Variants in LCORL observed in about 807,000 individuals in gnomAD.
The protein encoded by LCORL is ligand-dependent nuclear receptor corepressor-like protein.
A neutral mutation model predicts 141.8 loss-of-function variants in LCORL; 41 were observed. The ratio of observed to expected loss-of-function variants is 0.29; its 90% CI spans 0.23 to 0.38. LCORL has a LOEUF of 0.38. LCORL is among the 10% of genes least tolerant of loss of function. The probability of loss-of-function intolerance (pLI) is 1.00; values close to 1 mark genes in which losing one functional copy is unlikely to be tolerated. For synonymous variants in LCORL, 618 were observed against 694.1 expected, an observed-to-expected ratio of 0.89 and a Z score of 1.72; for missense variants, 1,759 against 2,035.0, an observed-to-expected ratio of 0.86 and a Z score of 2.61.
At chr4:17,932,470 A>G (rs761081618) in intron 4 of LCORL, among the ~76,000 whole-genome samples, 8 of 152,086 alleles carry the variant, frequency 5.3e-5, no homozygotes, top group African/African-American at 7.2e-5. Context: ...GCTTCAAATG[A>G]TATCTTTGAT....
intron 4 of LCORL, among the ~76,000 whole-genome samples, chr4:17,917,119 CAT>C (rs1420502929): frequency 5.9e-5 from 9 of 151,974 alleles, no homozygotes; most frequent in East Asian, 3.9e-4. Flanking sequence ...GGATTACAGA[CAT>C]GTGCTACTGC....
intron 4 of LCORL, among the ~76,000 whole-genome samples, chr4:17,910,776 T>C (rs995311830): frequency 2.6e-5 from 4 of 152,228 alleles, no homozygotes; most frequent in African/African-American, 4.8e-5. Flanking sequence ...ACTGTCAATA[T>C]ATTTGATCAC....
intron 7 of LCORL, among the ~76,000 whole-genome samples, chr4:17,867,602 T>A (rs1203279975): frequency 1.3e-5 from 2 of 152,248 alleles, no homozygotes; most frequent in African/African-American, 2.4e-5. Flanking sequence ...ACTAATTATG[T>A]TGCCAAAGTA....
chr4:18,016,542 T>C (rs1490590664), intron 1 of LCORL, among the ~76,000 whole-genome samples: 1 of 152,122 alleles, frequency 6.6e-6, no homozygotes, highest in African/African-American at 2.4e-5. Flanking sequence ...GTGAAAGCCA[T>C]TTGCTACATG....
chr4:17,998,988 ATATATATAT>A (rs1721427370), intron 1 of LCORL, among the ~76,000 whole-genome samples: 4 of 53,956 alleles, frequency 7.4e-5, no homozygotes, highest in African/African-American at 2.6e-4. Context: ...AAAAAAAAAT[ATATATATAT>A]ATATATACAC....
At chr4:17,994,423 A>G (rs2724470) in intron 1 of LCORL, among the ~76,000 whole-genome samples, 63,571 of 151,928 alleles carry the variant, frequency 0.42, 16,600 homozygotes, top group Non-Finnish European at 0.58. Context: ...ATCAGACACA[A>G]TACACTCCAA....
chr4:17,925,852 C>CA (rs1259331585), intron 4 of LCORL, among the ~76,000 whole-genome samples: 2 of 123,216 alleles, frequency 1.6e-5, no homozygotes, highest in African/African-American at 6.9e-5. Context: ...GCCTGGGTGA[C>CA]AGAGTGACAG....
chr4:18,010,386 ATGTGTGTGTGTC>A (rs1463451311), intron 1 of LCORL, among the ~76,000 whole-genome samples: 3 of 142,796 alleles, frequency 2.1e-5, no homozygotes, highest in Non-Finnish European at 4.5e-5. Context: ...ACATATATAT[ATGTGTGTGTGTC>A]TGTGTGTGTG....
chr4:17,996,058 G>C (rs992818090), intron 1 of LCORL, among the ~76,000 whole-genome samples: 2 of 152,052 alleles, frequency 1.3e-5, no homozygotes, highest in Non-Finnish European at 2.9e-5. Flanking sequence ...TTGAAAAAAT[G>C]TAATGCAATA....
intron 1 of LCORL, among the ~76,000 whole-genome samples, chr4:17,993,468 G>A (rs1034527926): frequency 6.6e-6 from 1 of 151,956 alleles, no homozygotes; most frequent in Non-Finnish European, 1.5e-5. Context: ...GCCTCCCAAA[G>A]TGCTGGGATT....
intron 1 of LCORL, among the ~76,000 whole-genome samples, chr4:18,020,147 C>T (rs71603397): frequency 6.6e-6 from 1 of 152,106 alleles, no homozygotes; most frequent in Non-Finnish European, 1.5e-5. Context: ...CTATATTCAT[C>T]GCGTTCTGCG....
chr4:17,942,448 C>G (rs1738125822), intron 4 of LCORL, among the ~76,000 whole-genome samples: 12 of 152,112 alleles, frequency 7.9e-5, no homozygotes, highest in Admixed American at 7.9e-4. Flanking sequence ...AAGACCCTCC[C>G]AAATGTTGCT....
intron 4 of LCORL, among the ~76,000 whole-genome samples, chr4:17,936,810 C>T (rs986838640): frequency 2.0e-5 from 3 of 152,072 alleles, no homozygotes; most frequent in Non-Finnish European, 4.4e-5. Context: ...GGCACAATAA[C>T]TTAGTTTAAT....
At chr4:17,916,886 C>T (rs1339460975) in intron 4 of LCORL, among the ~76,000 whole-genome samples, 1 of 152,012 alleles carries the variant, frequency 6.6e-6, no homozygotes, top group Non-Finnish European at 1.5e-5. Context: ...CTTAAGTGGG[C>T]TGCCTGCCTT....
intron 5 of LCORL, among the ~76,000 whole-genome samples, chr4:17,895,208 C>T (rs1729730088): frequency 6.6e-6 from 1 of 151,908 alleles, no homozygotes; most frequent in African/African-American, 2.4e-5. Context: ...CTGTTTTGAA[C>T]TATGTTACCA....
chr4:17,990,224 G>C (rs563944265), intron 1 of LCORL, among the ~76,000 whole-genome samples: 9 of 149,196 alleles, frequency 6.0e-5, no homozygotes, highest in African/African-American at 2.2e-4. Flanking sequence ...TCAGCCTTCC[G>C]TGTAGCTGGG....
intron 4 of LCORL, among the ~76,000 whole-genome samples, chr4:17,952,993 C>T (rs879505364): frequency 4.7e-5 from 7 of 148,142 alleles, no homozygotes; most frequent in African/African-American, 7.4e-5. Context: ...ACATGTGATA[C>T]TTTTTTTTTT....
intron 4 of LCORL, among the ~76,000 whole-genome samples, chr4:17,936,360 G>GAAAAAAAAAA (rs10646952): frequency 5.2e-5 from 5 of 96,448 alleles, no homozygotes; most frequent in Non-Finnish European, 6.9e-5. Flanking sequence ...GTCTCATAAT[G>GAAAAAAAAAA]AAAAAAAAAA....
chr4:18,000,902 G>A (rs756269591), intron 1 of LCORL, among the ~76,000 whole-genome samples: 15 of 152,256 alleles, frequency 9.9e-5, no homozygotes, highest in Admixed American at 5.9e-4. Context: ...TTTCCATGTA[G>A]TTCTATTTAG....
Sources: allele counts gnomAD v4.1 joint callset (sites outside exome capture counted in the v4.1 genomes callset), GRCh38; gene constraint gnomAD v4.1.1; transcripts MANE v1.5; gene names NCBI Gene and HGNC (gene_info 2026-07-23, HGNC 2026-07-21).